Variants in TBC1D22A observed in about 807,000 individuals in gnomAD.
The protein encoded by TBC1D22A is putative GTPase activator.
A neutral mutation model predicts 60.2 loss-of-function variants in TBC1D22A; 38 were observed. That is an observed-to-expected ratio of 0.63 (90% CI 0.49 to 0.83). The LOEUF (loss-of-function observed/expected upper bound fraction) is 0.83. TBC1D22A is among the 40% of genes least tolerant of loss of function. TBC1D22A has a pLI of 0.00. For missense variants in TBC1D22A, 628 were observed against 701.0 expected, an observed-to-expected ratio of 0.90 and a Z score of 1.18; for synonymous variants, 302 against 281.7, an observed-to-expected ratio of 1.07 and a Z score of -0.72.
chr22:46,989,759 T>TCACACACACACACA (rs35714390), intron 9 of TBC1D22A, among the ~76,000 whole-genome samples: 4,777 of 146,084 alleles, frequency 0.033, 116 homozygotes, highest in African/African-American at 0.064. Flanking sequence ...TGTGACAGAG[T>TCACACACACACACA]CACACACACA....
chr22:47,154,975 A>C (rs923177776), intron 12 of TBC1D22A, among the ~76,000 whole-genome samples: 3 of 152,176 alleles, frequency 2.0e-5, no homozygotes, highest in Admixed American at 1.3e-4. Context: ...CTTGAGCGGC[A>C]TCTCCAGGGA....
intron 10 of TBC1D22A, among the ~76,000 whole-genome samples, chr22:47,006,547 C>T (rs1299563798): frequency 6.6e-6 from 1 of 152,218 alleles, no homozygotes; most frequent in Admixed American, 6.5e-5. Flanking sequence ...CTTCTGTGGC[C>T]GTCTCAGGCC....
chr22:46,868,677 T>C (rs36073318), intron 4 of TBC1D22A, among the ~76,000 whole-genome samples: 61,748 of 151,978 alleles, frequency 0.41, 12,652 homozygotes, highest in African/African-American at 0.43. Context: ...AATACTATGC[T>C]AATTTTGCAG....
At chr22:47,146,634 T>A (rs985694480) in intron 12 of TBC1D22A, among the ~76,000 whole-genome samples, 1 of 152,144 alleles carries the variant, frequency 6.6e-6, no homozygotes, top group South Asian at 2.1e-4. Context: ...GCTGCAGGAA[T>A]TGATTTAGAC....
intron 4 of TBC1D22A, among the ~76,000 whole-genome samples, chr22:46,822,898 G>A (rs768352409): frequency 5.3e-5 from 8 of 152,098 alleles, no homozygotes; most frequent in African/African-American, 9.7e-5. Context: ...ATCTAGGTGA[G>A]CTCCAGTATA....
intron 8 of TBC1D22A, among the ~76,000 whole-genome samples, chr22:46,957,120 C>T (rs2073239567): frequency 6.6e-6 from 1 of 152,230 alleles, no homozygotes; most frequent in Non-Finnish European, 1.5e-5. Context: ...CTCCACCTTC[C>T]AGCCAGCTGA....
intron 4 of TBC1D22A, among the ~76,000 whole-genome samples, chr22:46,822,708 G>C (rs2085883232): frequency 1.3e-5 from 2 of 152,124 alleles, no homozygotes; most frequent in Non-Finnish European, 2.9e-5. Flanking sequence ...CCTGTTGGAG[G>C]GTCCCACCCA....
At chr22:47,013,743 A>G (rs2061822622) in intron 10 of TBC1D22A, among the ~76,000 whole-genome samples, 2 of 152,162 alleles carry the variant, frequency 1.3e-5, no homozygotes, top group Admixed American at 1.3e-4. Context: ...TGGTCCCAGC[A>G]TTGGAGGGCA....
chr22:46,910,443 A>G (rs961394113), intron 7 of TBC1D22A, among the ~76,000 whole-genome samples: 6 of 151,708 alleles, frequency 4.0e-5, no homozygotes, highest in African/African-American at 1.5e-4. Context: ...CCAGGGTGCA[A>G]GTGTAGTTGG....
chr22:47,140,636 G>A (rs754490222), intron 12 of TBC1D22A, among the ~76,000 whole-genome samples: 2 of 152,150 alleles, frequency 1.3e-5, no homozygotes, highest in African/African-American at 2.4e-5. Flanking sequence ...TCGTTTATCC[G>A]GAAGCTGGCC....
At chr22:47,144,070 G>A (rs758964610) in intron 12 of TBC1D22A, among the ~76,000 whole-genome samples, 3 of 152,160 alleles carry the variant, frequency 2.0e-5, no homozygotes, top group Non-Finnish European at 2.9e-5. Flanking sequence ...GTCCCTAGAC[G>A]GTGTCAGGGG....
At chr22:47,091,559 C>T (rs1603258451) in intron 11 of TBC1D22A, among the ~76,000 whole-genome samples, 3 of 117,984 alleles carry the variant, frequency 2.5e-5, no homozygotes, top group African/African-American at 3.3e-5. Context: ...TGTGGCCTTG[C>T]GGAGGGGGTG....
intron 4 of TBC1D22A, among the ~76,000 whole-genome samples, chr22:46,821,566 G>A (rs2085832721): frequency 6.6e-6 from 1 of 152,166 alleles, no homozygotes; most frequent in Admixed American, 6.5e-5. Flanking sequence ...TAAGAATGTT[G>A]AATATTGATT....
Position 46,804,676 on chromosome 22 carries a change from A to T in TBC1D22A, c.637+7056A>T, listed in dbSNP as rs188936537. 1.2e-3 allele frequency among the ~76,000 whole-genome samples: 179 copies of T among 152,368 alleles called. 1 individual carries two copies. The highest frequency in any genetic ancestry group is 4.0e-3 in the African/African-American group (165 of 41,584). On this transcript the variant is annotated intron_variant, in intron 4 of 12. Transcript: ENST00000337137. ...TTGGCTTAAAATAACCAAATTAGAT[A>T]TGATTTGGTGAAAATTAGGAATTTT... is the stretch of plus-strand genomic sequence containing the variant.
At chr22:47,031,177 G>C (rs984361158) in intron 10 of TBC1D22A, among the ~76,000 whole-genome samples, 17 of 152,168 alleles carry the variant, frequency 1.1e-4, no homozygotes, top group African/African-American at 4.1e-4. Context: ...CGTGGGTTTT[G>C]CCTTTTCACT....
intron 12 of TBC1D22A, among the ~76,000 whole-genome samples, chr22:47,154,410 G>A (rs747596527): frequency 1.4e-4 from 21 of 152,200 alleles, no homozygotes; most frequent in Non-Finnish European, 2.8e-4. Flanking sequence ...TGTCACGCGC[G>A]GGACACTGTC....
At position 47,090,405 on chromosome 22, in the gene TBC1D22A, G is replaced by A. The variant is rs564736026; in HGVS notation, c.1330-21103G>A. Among the ~76,000 whole-genome samples the A allele has an allele frequency of 1.2e-4, 18 of 152,344 alleles. No homozygotes were observed. In the South Asian group the frequency reaches 3.3e-3, roughly 28 times the overall value. On this transcript the variant is annotated intron_variant, in intron 11 of 12. Transcript: ENST00000337137. The stretch of plus-strand genomic sequence containing the variant: ...ATGCCACTCCAGGGTGGATGTGCTC[G>A]TCCCCTACTGCCACTCTGCCCCGTG...
intron 1 of TBC1D22A, among the ~76,000 whole-genome samples, chr22:46,783,215 T>C (rs1424186423): frequency 6.6e-6 from 1 of 152,226 alleles, no homozygotes; most frequent in African/African-American, 2.4e-5. Context: ...CTGAGCTTAC[T>C]TTTTGAAAGA....
At chr22:47,074,289 A>G (rs913825054) in intron 11 of TBC1D22A, among the ~76,000 whole-genome samples, 3 of 152,230 alleles carry the variant, frequency 2.0e-5, no homozygotes, top group African/African-American at 7.2e-5. Flanking sequence ...GCTAGCTGAG[A>G]TCGCCCACAT....
Sources: allele counts gnomAD v4.1 joint callset (sites outside exome capture counted in the v4.1 genomes callset), GRCh38; gene constraint gnomAD v4.1.1; transcripts MANE v1.5; gene names NCBI Gene and HGNC (gene_info 2026-07-23, HGNC 2026-07-21).